Variants in ZDHHC11B observed in about 807,000 individuals in gnomAD.
ZDHHC11B encodes the protein probable palmitoyltransferase ZDHHC11B.
A neutral mutation model predicts 42.3 loss-of-function variants in ZDHHC11B; 17 were observed. The ratio of observed to expected loss-of-function variants is 0.40; its 90% confidence interval spans 0.27 to 0.60. The LOEUF (loss-of-function observed/expected upper bound fraction) is 0.60. ZDHHC11B is among the 20% of genes least tolerant of loss of function. The pLI, the probability that ZDHHC11B is intolerant of heterozygous loss-of-function variation, is 0.41. For missense variants in ZDHHC11B, 262 were observed against 463.2 expected, an observed-to-expected ratio of 0.57 and a Z score of 3.99; for synonymous variants, 123 against 193.5, an observed-to-expected ratio of 0.64 and a Z score of 3.02.
At chr5:758,989 G>T (rs1734218644) in intron 4 of ZDHHC11B, among the ~76,000 whole-genome samples, 1 of 151,876 alleles carries the variant, frequency 6.6e-6, no homozygotes, top group South Asian at 2.1e-4. Flanking sequence ...GGAGCCCCGG[G>T]ATAGAGATGA....
intron 4 of ZDHHC11B, among the ~76,000 whole-genome samples, chr5:762,423 C>T (rs1421120238): frequency 6.6e-6 from 1 of 151,840 alleles, no homozygotes; most frequent in Non-Finnish European, 1.5e-5. Flanking sequence ...CATCCTTGGA[C>T]CCCTGGCAAG....
At chr5:766,220 G>A (rs1408568398) in intron 4 of ZDHHC11B, among the ~76,000 whole-genome samples, 3 of 151,786 alleles carry the variant, frequency 2.0e-5, no homozygotes, top group African/African-American at 7.3e-5. Context: ...GGAGGTGAGA[G>A]CAGATGCAGG....
At chr5:756,553 C>T (rs186686777) in intron 4 of ZDHHC11B, among the ~76,000 whole-genome samples, 8 of 151,786 alleles carry the variant, frequency 5.3e-5, no homozygotes, top group East Asian at 3.9e-4. Flanking sequence ...CAGAATGTAC[C>T]GCACCCCCAG....
chr5:777,384 C>T (rs967717825), intron 1 of ZDHHC11B, among the ~76,000 whole-genome samples: 2 of 151,838 alleles, frequency 1.3e-5, no homozygotes, highest in East Asian at 1.9e-4. Context: ...CCGGTGGGCT[C>T]GTGGTCTGGC....
intron 1 of ZDHHC11B, among the ~76,000 whole-genome samples, chr5:778,504 C>G (rs1736726797): frequency 1.3e-5 from 2 of 151,348 alleles, no homozygotes; most frequent in South Asian, 4.2e-4. Context: ...GGTCCCTCAT[C>G]CAGCGCAGCT....
At chr5:729,012 C>CAA (rs751272226) in intron 12 of ZDHHC11B, among the ~76,000 whole-genome samples, 5 of 134,896 alleles carry the variant, frequency 3.7e-5, no homozygotes, top group East Asian at 4.2e-4. Flanking sequence ...GACCCTGTCT[C>CAA]AAAAAAAAAA....
chr5:774,319 A>C, intron 1 of ZDHHC11B, among the ~76,000 whole-genome samples: 1 of 152,144 alleles, frequency 6.6e-6, no homozygotes, highest in East Asian at 1.9e-4. Flanking sequence ...CTGATCACAG[A>C]GCTGTCCAGG....
rs1388844824 is a variant in ZDHHC11B, at chr5:711,316, C to A, written c.*974G>T. On this transcript the variant is annotated 3_prime_UTR_variant, in exon 14 of 14. Coordinates refer to ENST00000508859, the MANE Select transcript of ZDHHC11B (RefSeq NM_001351303.2). ...CTCCCAATTCCCAGTACTGTGGGCT[C>A]CCCTTTCCCAGTACTGTGCTCCCAT... 2 of 154,432 alleles carry A rather than the reference C, an allele frequency of 1.3e-5. No individual in the cohort carries two copies. The highest frequency in any genetic ancestry group is 6.6e-5 in the Admixed American group (1 of 15,074). 9.6% of individuals were successfully genotyped at this position (154,432 alleles called of 1,614,324 possible). A position where few individuals can be genotyped will look rare whatever the true frequency, so the allele number is the denominator to read the frequency against.
intron 1 of ZDHHC11B, among the ~76,000 whole-genome samples, chr5:783,727 C>G (rs1472902008): frequency 2.2e-5 from 3 of 138,904 alleles, no homozygotes; most frequent in Non-Finnish European, 4.7e-5. Context: ...AAACAGCAGC[C>G]CCCAACCCCC....
intron 8 of ZDHHC11B, chr5:747,954 C>T (rs1745055983): frequency 1.1e-5 from 4 of 349,510 alleles, no homozygotes; most frequent in Non-Finnish European, 1.5e-5. Flanking sequence ...AGACCACCAG[C>T]TCTCGCTTCA....
chr5:777,934 G>A (rs1736673819), intron 1 of ZDHHC11B, among the ~76,000 whole-genome samples: 1 of 151,830 alleles, frequency 6.6e-6, no homozygotes, highest in African/African-American at 2.4e-5. Context: ...CGTGGCCTCG[G>A]CATGGCGGTC....
At chr5:731,522 T>C (rs1743016633) in intron 11 of ZDHHC11B, among the ~76,000 whole-genome samples, 1 of 151,186 alleles carries the variant, frequency 6.6e-6, no homozygotes. Context: ...TATTGTTGCC[T>C]TGGTGAAGAA....
intron 12 of ZDHHC11B, among the ~76,000 whole-genome samples, chr5:723,395 T>C (rs1289601935): frequency 7.8e-6 from 1 of 128,492 alleles, no homozygotes; most frequent in Non-Finnish European, 1.7e-5. Flanking sequence ...TTGTGAGGAA[T>C]AGGGGCTCAG....
chr5:773,308 T>G (rs1398843587), intron 1 of ZDHHC11B, among the ~76,000 whole-genome samples: 1 of 151,852 alleles, frequency 6.6e-6, no homozygotes, highest in African/African-American at 2.4e-5. Flanking sequence ...ACCTGAGCCC[T>G]GGGTGCAGAC....
At chr5:746,929 G>A (rs1461100189) in intron 8 of ZDHHC11B, among the ~76,000 whole-genome samples, 3 of 124,954 alleles carry the variant, frequency 2.4e-5, no homozygotes, top group East Asian at 2.9e-4. Context: ...AACCTCGGCC[G>A]ATTCTCCTGT....
Position 729,448 on chromosome 5 carries a change from C to A in ZDHHC11B, c.1058+986G>T, listed in dbSNP as rs201948743. ...CCCCTGTGGGGCCGGCTGGGACTCC[C>A]TGCAGTGATGGGAGGAATATGGCAG... On this transcript the variant is annotated intron_variant, in intron 12 of 13. Coordinates refer to ENST00000508859, the MANE Select transcript of ZDHHC11B (RefSeq NM_001351303.2). Among the ~76,000 whole-genome samples, 72 of 150,292 alleles carry A rather than the reference C, an allele frequency of 4.8e-4. No homozygotes were observed. The East Asian group carries it at 0.015, about 31-fold the overall frequency.
chr5:756,401 C>T (rs1012446188), intron 4 of ZDHHC11B, among the ~76,000 whole-genome samples: 2 of 151,804 alleles, frequency 1.3e-5, no homozygotes, highest in Middle Eastern at 3.4e-3. Context: ...GCCCTGCACA[C>T]ACAGCCCTGC....
chr5:770,353 C>A (rs1225644913), intron 1 of ZDHHC11B, among the ~76,000 whole-genome samples: 3 of 150,038 alleles, frequency 2.0e-5, no homozygotes, highest in African/African-American at 7.3e-5. Flanking sequence ...CCACTGCCAT[C>A]ATTGGGCCAA....
At chr5:742,670 G>GT (rs1324104077) in intron 9 of ZDHHC11B, among the ~76,000 whole-genome samples, 5 of 149,918 alleles carry the variant, frequency 3.3e-5, no homozygotes, top group Non-Finnish European at 7.4e-5. Flanking sequence ...TCATGTAAAC[G>GT]TAACTTTTAT....
Sources: allele counts gnomAD v4.1 joint callset (sites outside exome capture counted in the v4.1 genomes callset), GRCh38; gene constraint gnomAD v4.1.1; transcripts MANE v1.5; gene names NCBI Gene and HGNC (gene_info 2026-07-23, HGNC 2026-07-21).